CNTNAP2: variants seen among roughly 807,000 people sequenced by gnomAD.
CNTNAP2 encodes the protein contactin-associated protein-like 2.
A neutral mutation model predicts 155.2 loss-of-function variants in CNTNAP2; 98 were observed. The observed-to-expected ratio is 0.63, with a 90% CI of 0.54 to 0.75. The LOEUF is 0.75. CNTNAP2 is among the 30% of genes least tolerant of loss of function. CNTNAP2 has a pLI of 0.00. For synonymous variants in CNTNAP2, 651 were observed against 631.2 expected, an observed-to-expected ratio of 1.03 and a Z score of -0.47; for missense variants, 1,727 against 1,688.1, an observed-to-expected ratio of 1.02 and a Z score of -0.40.
chr7:147,217,107 A>C (rs1055689245), intron 8 of CNTNAP2, among the ~76,000 whole-genome samples: 3 of 151,978 alleles, frequency 2.0e-5, no homozygotes, highest in Admixed American at 1.3e-4. Flanking sequence ...TACATAGACT[A>C]TCATGTCATC....
At chr7:147,953,790 G>A (rs187001621) in intron 14 of CNTNAP2, among the ~76,000 whole-genome samples, 1 of 152,142 alleles carries the variant, frequency 6.6e-6, no homozygotes, top group South Asian at 2.1e-4. Context: ...TTCTTGGCTT[G>A]TAGACACATC....
chr7:147,378,313 G>C (rs1239558347), intron 9 of CNTNAP2, among the ~76,000 whole-genome samples: 2 of 151,690 alleles, frequency 1.3e-5, no homozygotes, highest in Non-Finnish European at 2.9e-5. Context: ...GTATATAATA[G>C]GTCTATATAT....
At chr7:147,207,888 G>C (rs1803053979) in intron 8 of CNTNAP2, among the ~76,000 whole-genome samples, 1 of 152,092 alleles carries the variant, frequency 6.6e-6, no homozygotes, top group South Asian at 2.1e-4. Context: ...GGCCATAATA[G>C]TGGAGAAATA....
At chr7:147,506,972 G>A (rs1798917672) in intron 11 of CNTNAP2, among the ~76,000 whole-genome samples, 1 of 152,056 alleles carries the variant, frequency 6.6e-6, no homozygotes, top group Non-Finnish European at 1.5e-5. Flanking sequence ...CCTGTCAAAT[G>A]AAAATGATTG....
At chr7:146,321,100 T>G (rs1800992720) in intron 1 of CNTNAP2, among the ~76,000 whole-genome samples, 1 of 152,108 alleles carries the variant, frequency 6.6e-6, no homozygotes. Flanking sequence ...ATGATGTGAT[T>G]TTTAAGGTCA....
At chr7:146,500,145 A>G (rs1301546040) in intron 1 of CNTNAP2, among the ~76,000 whole-genome samples, 1 of 152,104 alleles carries the variant, frequency 6.6e-6, no homozygotes, top group Non-Finnish European at 1.5e-5. Flanking sequence ...TCATCTGAGA[A>G]TAGGTGTTAC....
intron 8 of CNTNAP2, among the ~76,000 whole-genome samples, chr7:147,233,961 T>C (rs1803740953): frequency 6.6e-6 from 1 of 151,898 alleles, no homozygotes; most frequent in Admixed American, 6.6e-5. Flanking sequence ...ATATTCCACT[T>C]TTAAATACCT....
chr7:146,233,082 T>A (rs1799412969), intron 1 of CNTNAP2, among the ~76,000 whole-genome samples: 1 of 152,062 alleles, frequency 6.6e-6, no homozygotes, highest in African/African-American at 2.4e-5. Flanking sequence ...CCTGCAAACA[T>A]TTCTAGAAAA....
intron 4 of CNTNAP2, among the ~76,000 whole-genome samples, chr7:147,107,459 A>G (rs897198438): frequency 2.6e-5 from 4 of 152,136 alleles, no homozygotes; most frequent in African/African-American, 4.8e-5. Flanking sequence ...TCATATATGG[A>G]TAAGTGAAGA....
At chr7:146,224,095 C>A (rs1176060995) in intron 1 of CNTNAP2, among the ~76,000 whole-genome samples, 1 of 152,114 alleles carries the variant, frequency 6.6e-6, no homozygotes, top group Non-Finnish European at 1.5e-5. Flanking sequence ...CCACTTTTTT[C>A]TGTAAATGTA....
chr7:147,044,019 T>A lies in CNTNAP2; in HGVS notation c.515T>A (p.Ile172Asn). ...VPLDWNGEGR[I>N]GLRIEVYGCS... is the part of the protein sequence containing the mutation. ...CTGGATTGGAATGGAGAAGGTCGCA[T>A]TGGACTCAGAATTGAAGTTTATGGC... Residue 172 changes from isoleucine to asparagine, a missense_variant, in exon 4 of 24, where the codon ATT (isoleucine) becomes AAT (asparagine). Transcript: ENST00000361727. The A allele has an allele frequency of 6.2e-7, 1 of 1,614,182 alleles. No individual in the cohort carries two copies. Among genetic ancestry groups the A allele is most frequent in the South Asian group, 1.1e-5 (1 of 91,090 alleles).
At chr7:147,443,454 A>T (rs769235705) in intron 10 of CNTNAP2, among the ~76,000 whole-genome samples, 7 of 152,030 alleles carry the variant, frequency 4.6e-5, no homozygotes, top group Non-Finnish European at 7.4e-5. Flanking sequence ...GCAAGTAAGG[A>T]CTATTTTTTT....
rs568205728 is a variant in CNTNAP2 at position 147,522,778 on chromosome 7, A to C, written c.1777+36737A>C. On this transcript the variant is annotated intron_variant, in intron 11 of 23. Transcript: ENST00000361727. ...AATTTTCTGGCCCAGCAAAAAAAAA[A>C]CAAAAAAACAAAAAAAAAAAAACCT... Among the ~76,000 whole-genome samples the C allele has an allele frequency of 1.5e-3, 233 of 150,444 alleles. 2 individuals carry two copies. Among genetic ancestry groups the C allele is most frequent in the Admixed American group, 0.013 (193 of 15,172 alleles).
intron 1 of CNTNAP2, among the ~76,000 whole-genome samples, chr7:146,135,304 G>C (rs1440304276): frequency 6.6e-6 from 1 of 151,908 alleles, no homozygotes; most frequent in East Asian, 1.9e-4. Flanking sequence ...GATATGATTA[G>C]ACGAAAAAAA....
intron 13 of CNTNAP2, among the ~76,000 whole-genome samples, chr7:147,870,482 C>A (rs373027759): frequency 6.6e-6 from 1 of 152,120 alleles, no homozygotes; most frequent in African/African-American, 2.4e-5. Flanking sequence ...GGATCCCAAG[C>A]AGCTGACCAT....
chr7:147,288,320 G>T (rs1805228080), intron 8 of CNTNAP2, among the ~76,000 whole-genome samples: 1 of 152,186 alleles, frequency 6.6e-6, no homozygotes, highest in South Asian at 2.1e-4. Context: ...GGGGCCTTGT[G>T]TGTCTTCTTT....
chr7:147,861,939 A>G (rs1267708411), intron 13 of CNTNAP2, among the ~76,000 whole-genome samples: 1 of 147,346 alleles, frequency 6.8e-6, no homozygotes, highest in Non-Finnish European at 1.5e-5. Context: ...CAGAAGTTGC[A>G]GTGAGCCAGG....
chr7:146,270,000 C>T lies in CNTNAP2; in HGVS notation c.97+153027C>T, dbSNP rs369796881. Among the ~76,000 whole-genome samples, 33 of 152,294 alleles carry T rather than the reference C, an allele frequency of 2.2e-4. No individual in the cohort carries two copies. The East Asian group carries it at 6.2e-3, about 29-fold the overall frequency. On this transcript the variant is annotated intron_variant, in intron 1 of 23. Transcript: ENST00000361727. ...GGCTCAAACATGTCATCACTCAGGA[C>T]TTCATACCTGATTCCTCTTTCAGTG...
intron 21 of CNTNAP2, among the ~76,000 whole-genome samples, chr7:148,281,043 A>G (rs1214332280): frequency 6.6e-6 from 1 of 152,152 alleles, no homozygotes; most frequent in Non-Finnish European, 1.5e-5. Context: ...AGTGCCATCC[A>G]CCCTGGGGGA....
Sources: gnomAD v4.1 joint callset for allele counts (sites outside exome capture counted in the v4.1 genomes callset) on GRCh38, gnomAD v4.1.1 for gene constraint, MANE v1.5 for transcripts, NCBI Gene and HGNC (gene_info 2026-07-23, HGNC 2026-07-21) for gene names.